TXLNB: variants seen among roughly 807,000 people sequenced by gnomAD.
The protein encoded by TXLNB is taxilin beta.
Under a neutral mutation model 57.4 loss-of-function variants are expected in TXLNB, and 37 were observed. That is an observed-to-expected ratio of 0.64 (90% confidence interval 0.50 to 0.85). The LOEUF (loss-of-function observed/expected upper bound fraction) is 0.85. Ranked by LOEUF, TXLNB falls within the 40% of genes least tolerant of loss-of-function variation. The pLI is 0.00. For synonymous variants in TXLNB, 302 were observed against 309.6 expected, an observed-to-expected ratio of 0.98 and a Z score of 0.26; for missense variants, 848 against 825.6, an observed-to-expected ratio of 1.03 and a Z score of -0.33.
the TXLNB span, among the ~76,000 whole-genome samples, chr6:139,314,025 A>G: frequency 6.6e-6 from 1 of 152,342 alleles, no homozygotes; most frequent in East Asian, 1.9e-4. Context: ...TAAGATACCA[A>G]ATTCCAACCT....
the TXLNB span, among the ~76,000 whole-genome samples, chr6:139,224,178 C>T: frequency 1.2e-4 from 18 of 150,748 alleles, no homozygotes; most frequent in African/African-American, 3.9e-4. Context: ...TCATCATTCT[C>T]GGTAAACTAT....
At chr6:139,233,872 A>T in the TXLNB span, among the ~76,000 whole-genome samples, 1 of 152,316 alleles carries the variant, frequency 6.6e-6, no homozygotes, top group Middle Eastern at 3.4e-3. Context: ...AGGTTGAAAC[A>T]GTTTGGAGGG....
At chr6:139,166,642 C>T in the TXLNB span, 9 of 1,614,176 alleles carry the variant, frequency 5.6e-6, no homozygotes, top group Admixed American at 6.7e-5. Flanking sequence ...CCGAGAAGAA[C>T]ACAGGGAGGC....
At chr6:139,249,472 C>T (rs142382991) in intron 7 of TXLNB, among the ~76,000 whole-genome samples, 13 of 152,218 alleles carry the variant, frequency 8.5e-5, no homozygotes, top group African/African-American at 2.9e-4. Context: ...AAACAAGGGC[C>T]CTGGCTGCAC....
Position 139,288,662 on chromosome 6 carries a change from C to G in TXLNB, c.238G>C (p.Glu80Gln). The G allele has an allele frequency of 6.2e-7, 1 of 1,614,204 alleles. No homozygotes were observed. The highest frequency in any genetic ancestry group is 8.5e-7 in the Non-Finnish European group (1 of 1,180,042). ...YGSAASTAGKEGSARASEQPE... is the reference protein window; with the variant it reads ...YGSAASTAGKQGSARASEQPE... ...TGCTCACTGGCCCTGGCAGAGCCCT[C>G]TTTCCCTGCTGTGCTGGCAGCAGAC... The change falls in exon 2 of 10, where the codon GAG (glutamate) becomes CAG (glutamine). Residue 80 changes from glutamate (E) to glutamine (Q), a missense_variant. Transcript: ENST00000358430.
At chr6:139,238,055 T>C (rs1489210933), downstream of TXLNB, among the ~76,000 whole-genome samples, 1 of 152,212 alleles carries the variant, frequency 6.6e-6, no homozygotes, top group East Asian at 1.9e-4. Flanking sequence ...TTCTTTTTTA[T>C]AGTTTGTTCT....
Position 139,276,963 on chromosome 6 carries a change from C to T in TXLNB, c.425-42G>A, listed in dbSNP as rs982964576. 72 of 1,484,860 alleles carry T rather than the reference C, an allele frequency of 4.8e-5. No homozygotes were observed. The East Asian group carries it at 1.6e-3, about 33-fold the overall frequency. The allele number at this position is 1,484,860 out of a possible 1,614,324, so 92.0% of individuals were successfully genotyped here. A position where few individuals can be genotyped will look rare whatever the true frequency, so the allele number is the denominator to read the frequency against. On this transcript the variant is annotated intron_variant, in intron 2 of 9. Coordinates refer to ENST00000358430, the MANE Select transcript of TXLNB (RefSeq NM_153235.4). ...ATGAAAAAAATAAGTGTTGAATTTA[C>T]AGTCAGGTGATAAGGGCTGGAGTCT...
At chr6:139,227,909 G>A in the TXLNB span, among the ~76,000 whole-genome samples, 97,353 of 152,068 alleles carry the variant, frequency 0.64, 31,882 homozygotes, top group East Asian at 0.81. Context: ...TAAGAAGGAG[G>A]GAGGGGTAAC....
the TXLNB span, among the ~76,000 whole-genome samples, chr6:139,176,689 A>G: frequency 6.6e-6 from 1 of 152,070 alleles, no homozygotes; most frequent in Non-Finnish European, 1.5e-5. This position sits in a 1 kb window ranked among gnomAD's most constrained non-coding sequence, Gnocchi z 4.5. Context: ...TTGTTAGGGA[A>G]CTTCAGTGGA....
At chr6:139,187,703 C>T in the TXLNB span, among the ~76,000 whole-genome samples, 40 of 152,282 alleles carry the variant, frequency 2.6e-4, no homozygotes, top group East Asian at 6.9e-3. Flanking sequence ...AGGCTCCCAG[C>T]TGCCAGCATT....
downstream of TXLNB, among the ~76,000 whole-genome samples, chr6:139,236,242 G>T (rs1341955936): frequency 6.6e-6 from 1 of 152,306 alleles, no homozygotes; most frequent in Admixed American, 6.5e-5. Flanking sequence ...GCCACCTGCA[G>T]ACGGCTAAAC....
At chr6:139,249,984 G>T (rs899088442) in intron 7 of TXLNB, among the ~76,000 whole-genome samples, 2 of 151,702 alleles carry the variant, frequency 1.3e-5, no homozygotes, top group South Asian at 2.1e-4. Flanking sequence ...ACACACACAC[G>T]CATGGTGCAT....
the TXLNB span, among the ~76,000 whole-genome samples, chr6:139,168,517 T>G: frequency 6.6e-6 from 1 of 151,896 alleles, no homozygotes; most frequent in Non-Finnish European, 1.5e-5. Context: ...CCTGTCAGAT[T>G]TTTTTTGGAA....
intron 5 of TXLNB, among the ~76,000 whole-genome samples, chr6:139,262,368 A>G (rs1181990720): frequency 6.6e-6 from 1 of 152,202 alleles, no homozygotes; most frequent in African/African-American, 2.4e-5. Flanking sequence ...TTTACTTTGT[A>G]GTGATGCCAG....
chr6:139,180,400 C>T, the TXLNB span: 1 of 152,616 alleles, frequency 6.6e-6, no homozygotes, highest in African/African-American at 2.4e-5. Context: ...TCAGGAACTC[C>T]AGTTTGCTTT....
the TXLNB span, among the ~76,000 whole-genome samples, chr6:139,226,370 C>CAATTTATG: frequency 8.7e-5 from 12 of 138,076 alleles, no homozygotes; most frequent in Non-Finnish European, 1.9e-4. Flanking sequence ...CCTGAACATT[C>CAATTTATG]AATTTATGAC....
chr6:139,316,695 T>TA, the TXLNB span, among the ~76,000 whole-genome samples: 1 of 152,232 alleles, frequency 6.6e-6, no homozygotes, highest in Non-Finnish European at 1.5e-5. Context: ...AAGTATTTTT[T>TA]AAAAAACAGC....
the TXLNB span, among the ~76,000 whole-genome samples, chr6:139,309,794 A>C: frequency 1.3e-5 from 2 of 152,176 alleles, no homozygotes; most frequent in African/African-American, 4.8e-5. Context: ...AAAAAATATA[A>C]AAGGGCCCTG....
the TXLNB span, chr6:139,174,296 TA>T: frequency 2.8e-6 from 4 of 1,418,706 alleles, no homozygotes; most frequent in African/African-American, 1.4e-5. Flanking sequence ...TCTTTGCTTA[TA>T]ATTGGTAGAT....
Sources: allele counts gnomAD v4.1 joint callset (sites outside exome capture counted in the v4.1 genomes callset), GRCh38; gene constraint gnomAD v4.1.1; non-coding constraint Gnocchi (gnomAD v3.1); transcripts MANE v1.5; gene names NCBI Gene and HGNC (gene_info 2026-07-23, HGNC 2026-07-21).